The following MOV10 variants were observed in gnomAD, a reference collection of about 807,000 sequenced individuals.
MOV10 encodes Mov10 RNA helicase, also known as RNA helicase MOV-10.
MOV10 carries 39 observed loss-of-function variants against 108.4 expected under a neutral mutation model. The observed-to-expected ratio is 0.36, with a 90% CI of 0.28 to 0.47. MOV10 has a LOEUF of 0.47. Ranked by LOEUF, MOV10 falls within the 20% of genes least tolerant of loss-of-function variation. The probability of loss-of-function intolerance (pLI) is 1.00; values close to 1 mark genes in which losing one functional copy is unlikely to be tolerated. For missense variants in MOV10, 952 were observed against 1,297.6 expected (o/e 0.73, Z 4.09); for synonymous variants, 490 against 523.1 (o/e 0.94, Z 0.86).
chr1:112,680,094 A>G (rs1176445909), intron 2 of MOV10, among the ~76,000 whole-genome samples: 1 of 152,112 alleles, frequency 6.6e-6, no homozygotes, highest in Non-Finnish European at 1.5e-5. Flanking sequence ...GCATTCATAC[A>G]TGCTATCTTT....
intron 2 of MOV10, among the ~76,000 whole-genome samples, chr1:112,677,921 C>T (rs1672321074): frequency 6.6e-6 from 1 of 152,070 alleles, no homozygotes; most frequent in African/African-American, 2.4e-5. Flanking sequence ...ATTCATTTAG[C>T]AAATATAGTT....
At position 112,691,932 on chromosome 1, in the gene MOV10, C is replaced by T. The variant is rs541696552; in HGVS notation, c.971+133C>T. On this transcript the variant is annotated intron_variant, in intron 6 of 20. Transcript: ENST00000369645. ...TCCCTTACTGAGCACGCACCATACACCAAGCACCATTCAAGGTGAACCAGT... is the reference window on the plus strand; with the variant it reads ...TCCCTTACTGAGCACGCACCATACATCAAGCACCATTCAAGGTGAACCAGT... 1.8e-4 allele frequency: 166 copies of T among 941,626 alleles called. No homozygotes were observed. The South Asian group carries it at 2.9e-3, about 16-fold the overall frequency. The allele number at this position is 941,626 out of a possible 1,614,324, so 58.3% of individuals were successfully genotyped here.
At chr1:112,699,545 G>A (rs1158198829) in intron 17 of MOV10, 140 bp from the exon 18 acceptor site, 6 of 1,497,788 alleles carry the variant, frequency 4.0e-6, no homozygotes, top group South Asian at 1.4e-5. Flanking sequence ...TCCCTGGGCC[G>A]TGTCGCAGCA....
Position 112,700,472 on chromosome 1 carries a change from C to T in MOV10, c.2977C>T (p.Leu993=), listed in dbSNP as rs914341308. 6.2e-7 allele frequency: 1 copy of T among 1,613,948 alleles called. No individual in the cohort carries two copies. Among genetic ancestry groups the T allele is most frequent in the Admixed American group, 1.7e-5 (1 of 59,986 alleles). Residue 993 remains leucine (L), a synonymous_variant, in exon 21 of 21, where the codon CTG becomes TTG. Coordinates refer to ENST00000369645, the MANE Select transcript of MOV10 (RefSeq NM_001321324.2). The part of the protein sequence containing the change: ...QEREGEGGLS[L]QVEPEWRNEL ...GCGGGAGGGTGAAGGGGGCCTGTCTCTGCAAGTGGAGCCAGAGTGGAGGAA... is the reference window on the plus strand; with the variant it reads ...GCGGGAGGGTGAAGGGGGCCTGTCTTTGCAAGTGGAGCCAGAGTGGAGGAA...
chr1:112,696,752 C>T lies in MOV10; in HGVS notation c.2104C>T (p.Leu702=), dbSNP rs375700340. The T allele has an allele frequency of 5.6e-6, 9 of 1,605,674 alleles. No individual in the cohort carries two copies. The highest frequency in any genetic ancestry group is 7.7e-6 in the Non-Finnish European group (9 of 1,175,870). The change falls in exon 14 of 21, where the codon CTG becomes TTG. Residue 702 remains leucine (L), a synonymous_variant. Coordinates refer to ENST00000369645, the MANE Select transcript of MOV10 (RefSeq NM_001321324.2). ...LTQKHGLGYS[L]LERLLTYNSL... ...CCAGAAGCATGGACTGGGATACTCACTGCTGGAGCGGCTGCTCACCTACAA... is the reference window on the plus strand; with the variant it reads ...CCAGAAGCATGGACTGGGATACTCATTGCTGGAGCGGCTGCTCACCTACAA...
intron 2 of MOV10, chr1:112,688,481 C>T (rs1274570637): frequency 2.8e-6 from 3 of 1,062,062 alleles, no homozygotes; most frequent in East Asian, 1.5e-4. Context: ...TCCCTTCTCT[C>T]CTCACCAACA....
chr1:112,699,626 G>A (rs1307944528), intron 17 of MOV10, 59 bp from the exon 18 acceptor site: 17 of 1,609,508 alleles, frequency 1.1e-5, no homozygotes, highest in Non-Finnish European at 1.4e-5. Context: ...AGCTCCCTGG[G>A]GTAGGGCACC....
chr1:112,675,675 T>C lies in MOV10; in HGVS notation c.137+626T>C, dbSNP rs948653814. 1.1e-4 allele frequency among the ~76,000 whole-genome samples: 16 copies of C among 152,244 alleles called. No individual in the cohort carries two copies. The highest frequency in any genetic ancestry group is 3.6e-4 in the African/African-American group (15 of 41,470). On this transcript the variant is annotated intron_variant, in intron 2 of 20. Transcript: ENST00000369645. This position sits in a 1 kb window ranked among gnomAD's most constrained non-coding sequence, Gnocchi z 4.7. ...TGGAGACCCAGGGGCAGAGCCAGCCTTCTGGAGGCTCCCTTTCACCCTGTG... is the reference window on the plus strand; with the variant it reads ...TGGAGACCCAGGGGCAGAGCCAGCCCTCTGGAGGCTCCCTTTCACCCTGTG...
At chr1:112,676,600 A>G (rs1344354050) in intron 2 of MOV10, among the ~76,000 whole-genome samples, 1 of 152,212 alleles carries the variant, frequency 6.6e-6, no homozygotes, top group East Asian at 1.9e-4. Context: ...GGATCAATAT[A>G]TAGAAAATTA....
intron 14 of MOV10, among the ~76,000 whole-genome samples, chr1:112,697,494 G>A (rs1280299718): frequency 3.3e-5 from 5 of 152,022 alleles, no homozygotes; most frequent in African/African-American, 9.7e-5. Context: ...AAATAGGGAA[G>A]ATACAGTTTT....
chr1:112,698,601 G>A, intron 16 of MOV10, 114 bp from the exon 17 acceptor site: 1 of 1,443,474 alleles, frequency 6.9e-7, no homozygotes, highest in Non-Finnish European at 9.7e-7. Flanking sequence ...TCTCAGAAGA[G>A]CACCAAGGTC....
At chr1:112,685,653 C>CAATAAAATAA (rs141836635) in intron 2 of MOV10, among the ~76,000 whole-genome samples, 13,505 of 139,122 alleles carry the variant, frequency 0.097, 1,192 homozygotes, top group African/African-American at 0.23. Flanking sequence ...GATTCCGTCT[C>CAATAAAATAA]AATAAAATAA....
In MOV10 at chr1:112,689,395, T is replaced by TG; in HGVS notation, c.342-20_342-19insG. The TG allele has an allele frequency of 2.8e-5, 16 of 565,994 alleles. No individual in the cohort carries two copies. Among genetic ancestry groups the TG allele is most frequent in the Non-Finnish European group, 5.0e-5 (15 of 299,344 alleles). 35.1% of individuals were successfully genotyped at this position (565,994 alleles called of 1,614,324 possible). Reference sequence around the variant, plus strand: ...AGACCGCTCCCACCCCAACCCCCCCTTGACTCCCCTTCTCCCCAGGGCTGA... The same window carrying TG: ...AGACCGCTCCCACCCCAACCCCCCCTGTGACTCCCCTTCTCCCCAGGGCTGA... On this transcript the variant is annotated intron_variant, in intron 3 of 20. Coordinates refer to ENST00000369645, the MANE Select transcript of MOV10 (RefSeq NM_001321324.2).
chr1:112,677,674 A>G (rs1266496928), intron 2 of MOV10, among the ~76,000 whole-genome samples: 2 of 152,138 alleles, frequency 1.3e-5, no homozygotes, highest in Non-Finnish European at 2.9e-5. Flanking sequence ...TGCAGTCCCC[A>G]GCATAGAGCT....
chr1:112,688,931 G>A lies in MOV10; in HGVS notation c.138-4G>A, dbSNP rs1400643861. 8.1e-6 allele frequency: 13 copies of A among 1,612,150 alleles called. No homozygotes were observed. Among genetic ancestry groups the A allele is most frequent in the African/African-American group, 1.3e-5 (1 of 74,938 alleles). ...CACTTCCCAGTCTCCTCTGCTTCTG[G>A]CAGCTTTGGGACCCCCGCCCCTGGC... On this transcript the variant is annotated splice_polypyrimidine_tract_variant and splice_region_variant and intron_variant, in intron 2 of 20. Transcript: ENST00000369645.
chr1:112,677,230 A>G (rs546762652), intron 2 of MOV10, among the ~76,000 whole-genome samples: 1 of 152,342 alleles, frequency 6.6e-6, no homozygotes, highest in South Asian at 2.1e-4. Context: ...TGCCTCAAAA[A>G]TAGAAAAATC....
chr1:112,700,058 T>C, intron 19 of MOV10, 76 bp downstream of exon 19: 11 of 1,510,032 alleles, frequency 7.3e-6, no homozygotes, highest in Non-Finnish European at 1.0e-5. Flanking sequence ...TTTTAAGCGC[T>C]TGCTTATCGC....
At chr1:112,687,655 G>T (rs1206425542) in intron 2 of MOV10, among the ~76,000 whole-genome samples, 13 of 152,084 alleles carry the variant, frequency 8.5e-5, no homozygotes, top group Admixed American at 8.5e-4. Context: ...TCCCTTCCTT[G>T]TGCATTTCAC....
chr1:112,698,359 C>G lies in MOV10; in HGVS notation c.2389C>G (p.Pro797Ala), dbSNP rs1300681968. The change falls in exon 16 of 21, where the codon CCT (proline) becomes GCT (alanine). Residue 797 changes from proline to alanine, a missense_variant. This residue lies in a region of MOV10 where 453 missense variants were observed against 611.5 expected (regional missense o/e 0.74). Transcript: ENST00000369645. ...REGNSPSFFNPEEAATVTSYL... is the reference protein window; with the variant it reads ...REGNSPSFFNAEEAATVTSYL... ...AGGCAACAGCCCATCCTTCTTCAAC[C>G]CTGAAGAGGCTGCCACAGTGACTTC... The G allele has an allele frequency of 3.5e-5, 56 of 1,614,074 alleles. No homozygotes were observed. Among genetic ancestry groups the G allele is most frequent in the Non-Finnish European group, 4.5e-5 (53 of 1,180,026 alleles).
Sources: gnomAD v4.1 joint callset for allele counts (sites outside exome capture counted in the v4.1 genomes callset) on GRCh38, gnomAD v4.1.1 for gene constraint, gnomAD v4.1.1 regional missense constraint, Gnocchi (gnomAD v3.1) non-coding constraint, MANE v1.5 for transcripts, NCBI Gene and HGNC (gene_info 2026-07-23, HGNC 2026-07-21) for gene names.